Variants in SLC24A4 observed in about 807,000 individuals in gnomAD.
The protein encoded by SLC24A4 is sodium/potassium/calcium exchanger 4.
SLC24A4 carries 53 observed loss-of-function variants against 79.0 expected under a neutral mutation model. That is an observed-to-expected ratio of 0.67 (90% CI 0.54 to 0.84). The LOEUF is 0.84. Ranked by LOEUF, SLC24A4 falls within the 40% of genes least tolerant of loss-of-function variation. SLC24A4 has a pLI of 0.00. For synonymous variants in SLC24A4, 323 were observed against 323.8 expected, an observed-to-expected ratio of 1.00 and a Z score of 0.03; for missense variants, 731 against 822.0, an observed-to-expected ratio of 0.89 and a Z score of 1.35.
intron 2 of SLC24A4, among the ~76,000 whole-genome samples, chr14:92,421,579 C>G (rs893772456): frequency 2.6e-5 from 4 of 152,100 alleles, no homozygotes; most frequent in Admixed American, 2.6e-4. Flanking sequence ...GTGATATTGG[C>G]TCACTGAAAC....
intron 12 of SLC24A4, among the ~76,000 whole-genome samples, chr14:92,480,417 C>T (rs1895000088): frequency 6.8e-6 from 1 of 147,708 alleles, no homozygotes; most frequent in Non-Finnish European, 1.5e-5. Context: ...CCTCAGCCTC[C>T]CGAGTAGCTG....
chr14:92,412,476 T>C (rs144434798), intron 2 of SLC24A4, among the ~76,000 whole-genome samples: 14 of 152,164 alleles, frequency 9.2e-5, no homozygotes, highest in South Asian at 2.1e-4. Flanking sequence ...AGCCTACTGG[T>C]GTGATCTGGC....
intron 8 of SLC24A4, among the ~76,000 whole-genome samples, chr14:92,446,836 G>A (rs1892823274): frequency 6.6e-6 from 1 of 152,202 alleles, no homozygotes; most frequent in Non-Finnish European, 1.5e-5. Flanking sequence ...GGTAGTAATG[G>A]TTGCATCCCA....
chr14:92,436,336 C>T (rs546769649), intron 3 of SLC24A4, among the ~76,000 whole-genome samples: 1 of 152,332 alleles, frequency 6.6e-6, no homozygotes, highest in Non-Finnish European at 1.5e-5. Context: ...AGCACTGCCA[C>T]ACCCATTCTA....
intron 2 of SLC24A4, among the ~76,000 whole-genome samples, chr14:92,395,856 T>C (rs1044441786): frequency 1.3e-5 from 2 of 152,210 alleles, no homozygotes; most frequent in Non-Finnish European, 2.9e-5. Context: ...GACAGAGTCT[T>C]GCTTTGTCGC....
At chr14:92,330,066 G>A (rs975835657) in intron 2 of SLC24A4, among the ~76,000 whole-genome samples, 1 of 152,194 alleles carries the variant, frequency 6.6e-6, no homozygotes, top group African/African-American at 2.4e-5. Flanking sequence ...ATTTCAGAAT[G>A]AAGTCAGAGG....
At chr14:92,332,283 A>G (rs1365662053) in intron 2 of SLC24A4, among the ~76,000 whole-genome samples, 1 of 152,174 alleles carries the variant, frequency 6.6e-6, no homozygotes, top group Non-Finnish European at 1.5e-5. Context: ...CTCCATCTCA[A>G]AAAAACAAAA....
chr14:92,358,981 C>T (rs973888105), intron 2 of SLC24A4, among the ~76,000 whole-genome samples: 14 of 152,070 alleles, frequency 9.2e-5, no homozygotes, highest in East Asian at 1.9e-4. Flanking sequence ...CCACCACGCC[C>T]GGCCAAATCT....
intron 13 of SLC24A4, chr14:92,484,268 C>T: frequency 2.0e-6 from 2 of 985,370 alleles, no homozygotes; most frequent in Non-Finnish European, 2.4e-6. Flanking sequence ...TTGGCCGGCT[C>T]CCTCACCTCA....
At chr14:92,442,339 T>G (rs922568771) in intron 5 of SLC24A4, among the ~76,000 whole-genome samples, 166 bp downstream of exon 5, 1 of 152,056 alleles carries the variant, frequency 6.6e-6, no homozygotes. Context: ...TGTGGTAGAG[T>G]AGGGTGCTGA....
In SLC24A4 at chr14:92,453,931, C is replaced by T. The variant is rs374332198; in HGVS notation, c.912C>T (p.Pro304=). ...VKEKPQYGKN[P]VVMVDEIMSS... is the part of the protein sequence containing the mutation. Reference sequence around the variant, plus strand: ...AGAAGCCACAGTATGGCAAGAACCCCGTGGTGATGGTGGACGAGATTATGA... The same window carrying T: ...AGAAGCCACAGTATGGCAAGAACCCTGTGGTGATGGTGGACGAGATTATGA... Residue 304 remains proline (P), a synonymous_variant, in exon 11 of 17, where the codon CCC becomes CCT. Transcript: ENST00000532405. The T allele has an allele frequency of 8.7e-6, 14 of 1,613,138 alleles. No homozygotes were observed. The highest frequency in any genetic ancestry group is 2.7e-5 in the African/African-American group (2 of 74,852).
chr14:92,466,090 A>G (rs1894102106), intron 12 of SLC24A4, among the ~76,000 whole-genome samples: 1 of 152,166 alleles, frequency 6.6e-6, no homozygotes, highest in African/African-American at 2.4e-5. Context: ...AGGCCTTAGC[A>G]TTGGACACCC....
intron 8 of SLC24A4, among the ~76,000 whole-genome samples, 200 bp from the exon 9 acceptor site, chr14:92,447,171 G>A (rs986940047): frequency 2.6e-5 from 4 of 152,126 alleles, no homozygotes; most frequent in Admixed American, 6.5e-5. Flanking sequence ...AGCTTTTCTC[G>A]CTTGAACATC....
intron 12 of SLC24A4, among the ~76,000 whole-genome samples, chr14:92,467,889 C>T (rs1263603467): frequency 1.3e-5 from 2 of 152,202 alleles, no homozygotes; most frequent in Non-Finnish European, 2.9e-5. Context: ...ATCCCCCAGC[C>T]CTGCTGGACG....
At position 92,493,556 on chromosome 14, in the gene SLC24A4, G is replaced by T. The variant is rs779704077; in HGVS notation, c.1797G>T (p.Leu599Phe). Residue 599 changes from leucine to phenylalanine, a missense_variant, in exon 17 of 17, where the codon TTG becomes TTT. Physicochemically the swap from Leu to Phe is conservative, Grantham distance 22. Transcript: ENST00000532405. The part of the protein sequence containing the change: ...VYVLVLYAIF[L>F]CFSIMIEFNV... ...TGCTGGTTCTCTACGCCATCTTCTT[G>T]TGCTTCTCCATAATGATAGAGTTTA... 6.2e-7 allele frequency: 1 copy of T among 1,614,238 alleles called. No homozygotes were observed. The highest frequency in any genetic ancestry group is 8.5e-7 in the Non-Finnish European group (1 of 1,180,044).
At chr14:92,388,016 AT>A (rs1889262027) in intron 2 of SLC24A4, among the ~76,000 whole-genome samples, 2 of 152,196 alleles carry the variant, frequency 1.3e-5, no homozygotes, top group Non-Finnish European at 2.9e-5. Context: ...GAGTGTGCAG[AT>A]GTCTGCTCAG....
chr14:92,481,400 C>A (rs1410491462), intron 12 of SLC24A4, among the ~76,000 whole-genome samples: 1 of 152,212 alleles, frequency 6.6e-6, no homozygotes, highest in Non-Finnish European at 1.5e-5. Context: ...TTTTGACAAA[C>A]ACCTCCAAGT....
chr14:92,401,787 TA>T (rs1291545230), intron 2 of SLC24A4, among the ~76,000 whole-genome samples: 5 of 152,120 alleles, frequency 3.3e-5, no homozygotes, highest in African/African-American at 4.8e-5. Context: ...GGCTGTAGTT[TA>T]GGAATGTAGT....
rs1891955262 is a variant in SLC24A4, at chr14:92,432,903, A to G, written c.242-1009A>G. 2.0e-5 allele frequency among the ~76,000 whole-genome samples: 3 copies of G among 152,342 alleles called. No individual in the cohort carries two copies. The South Asian group carries it at 6.2e-4, about 32-fold the overall frequency. ...AACAAGCATTTATCAAGCACCCACAATGAACTAGGTGTCATTCCCTGTGTT... is the reference window on the plus strand; with the variant it reads ...AACAAGCATTTATCAAGCACCCACAGTGAACTAGGTGTCATTCCCTGTGTT... On this transcript the variant is annotated intron_variant, in intron 2 of 16. Transcript: ENST00000532405.
Sources: allele counts gnomAD v4.1 joint callset (sites outside exome capture counted in the v4.1 genomes callset), GRCh38; gene constraint gnomAD v4.1.1; transcripts MANE v1.5; gene names NCBI Gene and HGNC (gene_info 2026-07-23, HGNC 2026-07-21).